Variants in CATSPERT observed in about 807,000 individuals in gnomAD.
CATSPERT encodes the protein cation channel sperm-associated targeting subunit tau.
At chr2:201,565,705 A>ATTTTT in the CATSPERT span, 26 of 1,344,866 alleles carry the variant, frequency 1.9e-5, no homozygotes, top group South Asian at 1.9e-4. Context: ...GCTCTTTTGA[A>ATTTTT]TTTTTTTTTT....
chr2:201,524,222 A>C, the CATSPERT span, among the ~76,000 whole-genome samples: 3 of 152,286 alleles, frequency 2.0e-5, no homozygotes, highest in Non-Finnish European at 4.4e-5. Flanking sequence ...AGCTAGAGGA[A>C]AAAAGGGCAG....
the CATSPERT span, among the ~76,000 whole-genome samples, chr2:201,610,139 G>A: frequency 6.6e-6 from 1 of 151,540 alleles, no homozygotes; most frequent in African/African-American, 2.4e-5. Context: ...CCAATAACAA[G>A]TAATGAGATT....
chr2:201,520,503 G>T, the CATSPERT span, among the ~76,000 whole-genome samples: 1 of 152,278 alleles, frequency 6.6e-6, no homozygotes, highest in South Asian at 2.1e-4. Flanking sequence ...GTAGAAATCA[G>T]TAAGATAAAC....
the CATSPERT span, among the ~76,000 whole-genome samples, chr2:201,498,769 T>C: frequency 6.6e-6 from 1 of 152,136 alleles, no homozygotes; most frequent in African/African-American, 2.4e-5. Flanking sequence ...CCTCTCTTTC[T>C]CTGTGCACAC....
chr2:201,542,430 T>G, the CATSPERT span, among the ~76,000 whole-genome samples: 1 of 152,352 alleles, frequency 6.6e-6, no homozygotes, highest in African/African-American at 2.4e-5. Context: ...TTTGTCATTT[T>G]TTTGAGTAAC....
At chr2:201,514,216 C>T in the CATSPERT span, among the ~76,000 whole-genome samples, 2 of 152,168 alleles carry the variant, frequency 1.3e-5, no homozygotes, top group Non-Finnish European at 2.9e-5. Flanking sequence ...ACCAACTTTA[C>T]CAAAACTAGT....
chr2:201,507,925 T>G, the CATSPERT span, among the ~76,000 whole-genome samples: 2 of 152,196 alleles, frequency 1.3e-5, no homozygotes, highest in Admixed American at 1.3e-4. Context: ...TTGTGAGAAC[T>G]CACTCACTGT....
chr2:201,507,335 G>A, the CATSPERT span, among the ~76,000 whole-genome samples: 1 of 152,114 alleles, frequency 6.6e-6, no homozygotes, highest in Non-Finnish European at 1.5e-5. Flanking sequence ...CAGGAGCTAT[G>A]AAATATTAAT....
chr2:201,505,147 T>C, the CATSPERT span, among the ~76,000 whole-genome samples: 1 of 152,172 alleles, frequency 6.6e-6, no homozygotes, highest in African/African-American at 2.4e-5. Context: ...TTGCCCAGGC[T>C]GGAGTGCAGT....
chr2:201,495,614 T>G, the CATSPERT span, among the ~76,000 whole-genome samples: 1 of 151,958 alleles, frequency 6.6e-6, no homozygotes, highest in Non-Finnish European at 1.5e-5. Flanking sequence ...TTATTTTTAA[T>G]GGATGCAACT....
the CATSPERT span, among the ~76,000 whole-genome samples, chr2:201,601,315 T>TGTGG: frequency 7.6e-6 from 1 of 131,682 alleles, no homozygotes; most frequent in African/African-American, 3.0e-5. Context: ...TGTGTGTGTG[T>TGTGG]GGGTTGTAAT....
At chr2:201,553,506 T>G in the CATSPERT span, 7 of 152,158 alleles carry the variant, frequency 4.6e-5, no homozygotes, top group Non-Finnish European at 8.8e-5. Flanking sequence ...AACTTAACAT[T>G]TAACCACCAT....
At chr2:201,541,531 T>TTATATATA in the CATSPERT span, among the ~76,000 whole-genome samples, 393 of 92,570 alleles carry the variant, frequency 4.2e-3, no homozygotes, top group African/African-American at 6.1e-3. Context: ...TCAGATGATT[T>TTATATATA]TATATATATA....
At chr2:201,524,642 T>C in the CATSPERT span, among the ~76,000 whole-genome samples, 1 of 152,116 alleles carries the variant, frequency 6.6e-6, no homozygotes, top group South Asian at 2.1e-4. Context: ...TGAATGTAAA[T>C]GTAATGTGCC....
chr2:201,589,486 C>T, the CATSPERT span, among the ~76,000 whole-genome samples: 1 of 149,972 alleles, frequency 6.7e-6, no homozygotes, highest in African/African-American at 2.5e-5. Context: ...ACAAACCTGA[C>T]AAAAACAACC....
the CATSPERT span, chr2:201,494,778 G>C: frequency 1.4e-6 from 2 of 1,476,934 alleles, no homozygotes; most frequent in South Asian, 2.8e-5. Context: ...TTAAAAAAAA[G>C]GTAAGACATT....
chr2:201,528,873 T>C, the CATSPERT span, among the ~76,000 whole-genome samples: 1 of 152,078 alleles, frequency 6.6e-6, no homozygotes, highest in Non-Finnish European at 1.5e-5. Flanking sequence ...AATTTACCCA[T>C]GTAACAAGCC....
the CATSPERT span, among the ~76,000 whole-genome samples, chr2:201,489,728 T>C: frequency 6.6e-6 from 1 of 152,220 alleles, no homozygotes; most frequent in African/African-American, 2.4e-5. Context: ...TTTCCAATTA[T>C]GGGTCATGCC....
chr2:201,601,272 T>G, the CATSPERT span, among the ~76,000 whole-genome samples: 2 of 87,796 alleles, frequency 2.3e-5, no homozygotes, highest in African/African-American at 4.4e-5. Context: ...ATAAGGATGA[T>G]AGTGTGTGTG....
Sources: gnomAD v4.1 joint callset for allele counts (sites outside exome capture counted in the v4.1 genomes callset) on GRCh38, gnomAD v4.1.1 for gene constraint, MANE v1.5 for transcripts, NCBI Gene and HGNC (gene_info 2026-07-23, HGNC 2026-07-21) for gene names.